The following UBR1 variants were observed in gnomAD, a reference collection of about 807,000 sequenced individuals.
UBR1 encodes the protein ubiquitin protein ligase E3 component n-recognin 1, also known as E3 ubiquitin-protein ligase UBR1.
UBR1 carries 102 observed loss-of-function variants against 242.1 expected under a neutral mutation model. The observed-to-expected ratio is 0.42, with a 90% CI of 0.36 to 0.50. The LOEUF (loss-of-function observed/expected upper bound fraction) is 0.50. Among genes scored for constraint, UBR1 ranks in the 20% least tolerant of loss-of-function variants. UBR1 has a pLI of 0.01. For synonymous variants in UBR1, 675 were observed against 684.8 expected, an observed-to-expected ratio of 0.99 and a Z score of 0.22; for missense variants, 1,772 against 2,101.8, an observed-to-expected ratio of 0.84 and a Z score of 3.07.
At chr15:43,008,169 C>A (rs1485821980) in intron 29 of UBR1, among the ~76,000 whole-genome samples, 1 of 152,232 alleles carries the variant, frequency 6.6e-6, no homozygotes, top group Admixed American at 6.5e-5. Context: ...GCAGTGGAGG[C>A]GTGGCTGGGG....
At chr15:43,033,380 G>A (rs913487739) in intron 19 of UBR1, among the ~76,000 whole-genome samples, 1 of 151,622 alleles carries the variant, frequency 6.6e-6, no homozygotes, top group Non-Finnish European at 1.5e-5. Flanking sequence ...GCGTGGTGGT[G>A]CGCCCCTGTA....
intron 3 of UBR1, among the ~76,000 whole-genome samples, chr15:43,081,067 T>TA (rs549613108): frequency 3.5e-4 from 53 of 152,286 alleles, no homozygotes; most frequent in African/African-American, 1.2e-3. Context: ...TTTACTTCTG[T>TA]AAAAAACTGT....
chr15:42,978,923 T>TCTCG (rs1959025930), intron 37 of UBR1, among the ~76,000 whole-genome samples: 3 of 131,708 alleles, frequency 2.3e-5, no homozygotes, highest in Admixed American at 1.6e-4. Context: ...CGAGATGGAG[T>TCTCG]CTCGCTTTAT....
At chr15:42,967,623 A>G (rs2032129876) in intron 40 of UBR1, among the ~76,000 whole-genome samples, 1 of 152,112 alleles carries the variant, frequency 6.6e-6, no homozygotes, top group Non-Finnish European at 1.5e-5. Context: ...ACTTGAGTTA[A>G]TCATAATGTA....
Position 43,019,726 on chromosome 15 carries a change from GCGCCTGCCACCA to G in UBR1, c.2940+1537_2940+1548del, listed in dbSNP as rs371179877. ...GCCTCCTGAGTAGCTGGGATTACAGGCGCCTGCCACCACGCCTGCCACCACGCCCAGCTAATT... is the reference window on the plus strand; with the variant it reads ...GCCTCCTGAGTAGCTGGGATTACAGGCGCCTGCCACCACGCCCAGCTAATT... On this transcript the variant is annotated intron_variant, in intron 27 of 46. Coordinates refer to ENST00000290650, the MANE Select transcript of UBR1 (RefSeq NM_174916.3). Among the ~76,000 whole-genome samples the G allele has an allele frequency of 6.6e-3, 1,001 of 150,778 alleles. 4 individuals are homozygous for G. Among genetic ancestry groups the G allele is most frequent in the Middle Eastern group, 0.028 (8 of 284 alleles).
chr15:43,049,754 T>G (rs562861799), intron 12 of UBR1, among the ~76,000 whole-genome samples: 1 of 152,318 alleles, frequency 6.6e-6, no homozygotes, highest in African/African-American at 2.4e-5. Flanking sequence ...ATCTAAATCT[T>G]TCTTTTAAAG....
At chr15:42,991,275 CAA>C (rs755640484) in intron 33 of UBR1, among the ~76,000 whole-genome samples, 2 of 142,230 alleles carry the variant, frequency 1.4e-5, no homozygotes, top group Admixed American at 7.0e-5. Flanking sequence ...CACGCCATCT[CAA>C]AAAAAAAAAA....
At position 42,945,440 on chromosome 15, in the gene UBR1, C is replaced by T; in HGVS notation, c.5139G>A (p.Glu1713=). The part of the protein sequence containing the change: ...KRGNPLHLSR[E]RYRKLHLVWQ... ...AGACCAAATGGAGCTTCCGATACCG[C>T]TCACGAGATAAATGAAGGGGGTTGC... The change falls in exon 47 of 47, where the codon GAG becomes GAA. Residue 1713 remains glutamate (E), a synonymous_variant. Transcript: ENST00000290650. The T allele has an allele frequency of 6.2e-7, 1 of 1,614,064 alleles. No individual in the cohort carries two copies.
At chr15:42,997,460 A>T (rs1391263737) in intron 33 of UBR1, among the ~76,000 whole-genome samples, 4 of 152,226 alleles carry the variant, frequency 2.6e-5, no homozygotes, top group African/African-American at 4.8e-5. Context: ...TCTTCCATAA[A>T]ACCGGTCCTT....
intron 19 of UBR1, among the ~76,000 whole-genome samples, chr15:43,035,963 A>C (rs1307862908): frequency 6.6e-6 from 1 of 151,248 alleles, no homozygotes; most frequent in South Asian, 2.1e-4. Flanking sequence ...TAGCATTGGG[A>C]GATATACCTA....
intron 19 of UBR1, 104 bp downstream of exon 19, chr15:43,036,074 T>C (rs1456326485): frequency 2.9e-6 from 3 of 1,052,124 alleles, no homozygotes; most frequent in Admixed American, 1.8e-5. Context: ...AAACTTAAAG[T>C]ATAATTTTAA....
chr15:43,037,664 A>G, intron 17 of UBR1, 109 bp downstream of exon 17: 1 of 886,060 alleles, frequency 1.1e-6, no homozygotes, highest in Non-Finnish European at 1.8e-6. Context: ...ATACAAGAGA[A>G]TAGTAACATA....
intron 37 of UBR1, among the ~76,000 whole-genome samples, chr15:42,980,364 T>C (rs1347316667): frequency 6.6e-6 from 1 of 152,182 alleles, no homozygotes; most frequent in African/African-American, 2.4e-5. Flanking sequence ...CATGATATAG[T>C]GGGAAAATCA....
At chr15:42,985,613 A>G (rs575513161) in intron 35 of UBR1, among the ~76,000 whole-genome samples, 1 of 152,232 alleles carries the variant, frequency 6.6e-6, no homozygotes, top group South Asian at 2.1e-4. Flanking sequence ...TCAGCCTTCC[A>G]AAGTGCTGGG....
At chr15:43,030,219 A>T in intron 20 of UBR1, 151 bp from the exon 21 acceptor site, 1 of 905,104 alleles carries the variant, frequency 1.1e-6, no homozygotes, top group Non-Finnish European at 1.7e-6. Context: ...CCCAAATCTG[A>T]ATAAGAATCT....
chr15:43,087,723 G>A (rs886901496), intron 1 of UBR1, among the ~76,000 whole-genome samples: 1 of 152,124 alleles, frequency 6.6e-6, no homozygotes, highest in African/African-American at 2.4e-5. Context: ...TTATTCCTCT[G>A]ATAAACATGT....
chr15:43,002,802 T>G, intron 31 of UBR1, 98 bp from the exon 32 acceptor site: 3 of 1,518,106 alleles, frequency 2.0e-6, no homozygotes, highest in Non-Finnish European at 2.7e-6. Flanking sequence ...AAATCTGGAA[T>G]TTTTGCCCCA....
intron 29 of UBR1, among the ~76,000 whole-genome samples, chr15:43,015,036 G>A (rs897909042): frequency 4.0e-5 from 6 of 150,872 alleles, no homozygotes; most frequent in East Asian, 2.0e-4. Flanking sequence ...GTCAGCCCCC[G>A]CCCGGCCAGC....
At chr15:43,054,968 C>T (rs2033599101) in intron 11 of UBR1, 69 bp from the exon 12 acceptor site, 3 of 1,540,846 alleles carry the variant, frequency 1.9e-6, no homozygotes, top group Non-Finnish European at 2.7e-6. Context: ...TTTATTCATT[C>T]ATTTGGTTAG....
Sources: gnomAD v4.1 joint callset for allele counts (sites outside exome capture counted in the v4.1 genomes callset) on GRCh38, gnomAD v4.1.1 for gene constraint, MANE v1.5 for transcripts, NCBI Gene and HGNC (gene_info 2026-07-23, HGNC 2026-07-21) for gene names.